The following SLC36A1 variants were observed in gnomAD, a reference collection of about 807,000 sequenced individuals.
SLC36A1 encodes the protein solute carrier family 36 member 1, also known as proton-coupled amino acid transporter 1.
Under a neutral mutation model 47.5 loss-of-function variants are expected in SLC36A1, and 30 were observed. The ratio of observed to expected loss-of-function variants is 0.63; its 90% CI spans 0.47 to 0.86. The LOEUF (loss-of-function observed/expected upper bound fraction) is 0.86, where lower values mean the gene tolerates loss of function less well. Ranked by LOEUF, SLC36A1 falls within the 40% of genes least tolerant of loss-of-function variation. The pLI is 0.00. For synonymous variants in SLC36A1, 255 were observed against 249.7 expected (o/e 1.02, Z -0.20); for missense variants, 517 against 606.0 (o/e 0.85, Z 1.54).
chr5:151,448,355 C>G (rs1335456400), intron 1 of SLC36A1, among the ~76,000 whole-genome samples: 1 of 152,354 alleles, frequency 6.6e-6, no homozygotes, highest in African/African-American at 2.4e-5. Context: ...GGAAACTTCA[C>G]CTGTGAAAAG....
the SLC36A1 span, among the ~76,000 whole-genome samples, chr5:151,499,235 T>G: frequency 6.6e-6 from 1 of 152,344 alleles, no homozygotes; most frequent in Non-Finnish European, 1.5e-5. Flanking sequence ...CTGAGAAAGT[T>G]CCTGCTTTTC....
the SLC36A1 span, chr5:151,525,995 G>C: frequency 5.6e-6 from 9 of 1,606,356 alleles, no homozygotes; most frequent in Admixed American, 3.4e-5. Flanking sequence ...AGAAGGCAAA[G>C]AGCAGAATGA....
the SLC36A1 span, chr5:151,546,005 A>G: frequency 6.8e-6 from 11 of 1,614,198 alleles, no homozygotes; most frequent in Non-Finnish European, 9.3e-6. Context: ...AGGCCAGAAT[A>G]TGAGTTCATA....
the SLC36A1 span, among the ~76,000 whole-genome samples, chr5:151,356,213 C>G: frequency 1.3e-5 from 2 of 151,408 alleles, no homozygotes; most frequent in African/African-American, 4.9e-5. Flanking sequence ...GTGGCTCACA[C>G]CTGTAATCCC....
At chr5:151,462,096 A>G (rs1423441268) in intron 2 of SLC36A1, among the ~76,000 whole-genome samples, 2 of 152,144 alleles carry the variant, frequency 1.3e-5, no homozygotes, top group Non-Finnish European at 2.9e-5. Context: ...GATAATACAT[A>G]TCTGTTGCCC....
chr5:151,357,742 G>A, the SLC36A1 span, among the ~76,000 whole-genome samples: 3 of 152,310 alleles, frequency 2.0e-5, no homozygotes. Context: ...TATAGAAAAA[G>A]CTTGCCAACC....
chr5:151,350,373 C>G, the SLC36A1 span, among the ~76,000 whole-genome samples: 2 of 152,276 alleles, frequency 1.3e-5, no homozygotes, highest in East Asian at 3.9e-4. Context: ...CCAGTTAGTA[C>G]TAGAGACAGA....
At chr5:151,414,049 T>G in the SLC36A1 span, among the ~76,000 whole-genome samples, 1 of 152,146 alleles carries the variant, frequency 6.6e-6, no homozygotes, top group Non-Finnish European at 1.5e-5. Context: ...AAGTACTTAC[T>G]TTGTTATAAG....
the SLC36A1 span, chr5:151,380,588 T>A: frequency 1.8e-6 from 1 of 548,492 alleles, no homozygotes; most frequent in Non-Finnish European, 3.7e-6. Flanking sequence ...AATGAGGACA[T>A]CAGTTCCCTG....
rs113510662 is a variant in SLC36A1 at position 151,464,011 on chromosome 5, A to G, written c.234+368A>G. On this transcript the variant is annotated intron_variant, in intron 3 of 10. Coordinates refer to ENST00000243389, the MANE Select transcript of SLC36A1 (RefSeq NM_078483.4). ...ACAGTCTCCCATGCCCTGTTCCTAA[A>G]TGGCCAACTGCAAGAATCTTATGTC... is the stretch of plus-strand genomic sequence containing the variant. Among the ~76,000 whole-genome samples the G allele has an allele frequency of 4.4e-4, 67 of 152,312 alleles. No individual in the cohort carries two copies. In the East Asian group the frequency reaches 7.5e-3, roughly 17 times the overall value.
chr5:151,433,696 G>A (rs546454592), upstream of SLC36A1, among the ~76,000 whole-genome samples: 1 of 152,196 alleles, frequency 6.6e-6, no homozygotes, highest in South Asian at 2.1e-4. Context: ...CAGGAACTCT[G>A]AGACCTGAGT....
downstream of SLC36A1, among the ~76,000 whole-genome samples, chr5:151,492,990 C>G (rs921497888): frequency 6.6e-6 from 1 of 152,120 alleles, no homozygotes; most frequent in African/African-American, 2.4e-5. Context: ...CTCAGTCTCT[C>G]TATGTGTATC....
Position 151,488,073 on chromosome 5 carries a change from C to T in SLC36A1, c.1250C>T (p.Pro417Leu), listed in dbSNP as rs200047726. The change falls in exon 11 of 11, where the codon CCG becomes CTG. Residue 417 changes from proline to leucine, a missense_variant. Physicochemically the swap from Pro to Leu is moderately conservative, Grantham distance 98. Transcript: ENST00000243389. ...AGCGCCCTGGCCCTCATCATCCCAC[C>T]GCTCCTGGAGGTCACCACCTTCTAC... ...SSSALALIIP[P>L]LLEVTTFYSE... 2.4e-5 allele frequency: 39 copies of T among 1,614,172 alleles called. No individual in the cohort carries two copies. Among genetic ancestry groups the T allele is most frequent in the African/African-American group, 8.0e-5 (6 of 75,048 alleles).
the SLC36A1 span, among the ~76,000 whole-genome samples, chr5:151,385,464 T>C: frequency 0.5 from 75,381 of 152,072 alleles, 20,716 homozygotes; most frequent in African/African-American, 0.75. Flanking sequence ...GCCATCCAAA[T>C]TGGAAATGCC....
the SLC36A1 span, among the ~76,000 whole-genome samples, chr5:151,374,059 A>C: frequency 6.6e-6 from 1 of 152,208 alleles, no homozygotes; most frequent in East Asian, 1.9e-4. Context: ...GGCCTAGTCC[A>C]AGGTGCAAGG....
At chr5:151,481,225 T>G (rs1318592138) in intron 10 of SLC36A1, among the ~76,000 whole-genome samples, 1 of 152,252 alleles carries the variant, frequency 6.6e-6, no homozygotes, top group Admixed American at 6.5e-5. Context: ...CGGCTGCTTT[T>G]GGTCTTCAAG....
At position 151,469,441 on chromosome 5, in the gene SLC36A1, G is replaced by A. The variant is rs375564489; in HGVS notation, c.723+1516G>A. On this transcript the variant is annotated intron_variant, in intron 7 of 10. Coordinates refer to ENST00000243389, the MANE Select transcript of SLC36A1 (RefSeq NM_078483.4). ...CCTTGTTGTTGTTAGTTGTCACATT[G>A]TATCACAGCAAGGAGATTTGCTGCC... Among the ~76,000 whole-genome samples, 15 of 152,212 alleles carry A rather than the reference G, an allele frequency of 9.9e-5. No homozygotes were observed. In the East Asian group the frequency reaches 1.7e-3, roughly 18 times the overall value.
downstream of SLC36A1, among the ~76,000 whole-genome samples, chr5:151,494,979 G>T (rs769615758): frequency 6.6e-6 from 1 of 152,158 alleles, no homozygotes; most frequent in Non-Finnish European, 1.5e-5. Flanking sequence ...AGGTCTTTGT[G>T]TAGACCTATG....
chr5:151,545,140 T>C, the SLC36A1 span: 1 of 1,614,216 alleles, frequency 6.2e-7, no homozygotes, highest in Non-Finnish European at 8.5e-7. Context: ...GTCATTCAAA[T>C]GATTGCCCTG....
Sources: allele counts gnomAD v4.1 joint callset (sites outside exome capture counted in the v4.1 genomes callset), GRCh38; gene constraint gnomAD v4.1.1; transcripts MANE v1.5; gene names NCBI Gene and HGNC (gene_info 2026-07-23, HGNC 2026-07-21).